FGFR4: variants seen among roughly 807,000 people sequenced by gnomAD.
The protein encoded by FGFR4 is fibroblast growth factor receptor 4.
Under a neutral mutation model 89.9 loss-of-function variants are expected in FGFR4, and 63 were observed. The ratio of observed to expected loss-of-function variants is 0.70; its 90% CI spans 0.57 to 0.86. FGFR4 has a LOEUF of 0.86. Among genes scored for constraint, FGFR4 ranks in the 40% least tolerant of loss-of-function variants. The pLI is 0.00. For missense variants in FGFR4, 928 were observed against 1,106.7 expected (o/e 0.84, Z 2.29); for synonymous variants, 486 against 479.4 (o/e 1.01, Z -0.18).
Position 177,092,718 on chromosome 5 carries a change from TA to T in FGFR4, c.992del (p.Tyr331SerfsTer120). The T allele has an allele frequency of 6.2e-7, 1 of 1,614,198 alleles. No individual in the cohort carries two copies. Among genetic ancestry groups the T allele is most frequent in the South Asian group, 1.1e-5 (1 of 91,080 alleles). On this transcript the variant is annotated frameshift_variant, in exon 8 of 18. Coordinates refer to ENST00000292408, the MANE Select transcript of FGFR4 (RefSeq NM_213647.3). LOFTEE classifies it high-confidence loss of function. Reference sequence around the variant, plus strand: ...CGTGTCAGCCGAGGACGCAGGCGAGTACACCTGCCTCGCAGGCAATTCCATC... The same window carrying T: ...CGTGTCAGCCGAGGACGCAGGCGAGTCACCTGCCTCGCAGGCAATTCCATC... Reference protein sequence around the residue: ...RNVSAEDAGEYTCLAGNSIGL... With the variant: ...RNVSAEDAGEXTCLAGNSIGL...
Position 177,095,874 on chromosome 5 carries a change from T to G in FGFR4, c.1821+151T>G. 3.2e-6 allele frequency: 4 copies of G among 1,253,800 alleles called. No individual in the cohort carries two copies. Among genetic ancestry groups the G allele is most frequent in the Non-Finnish European group, 3.2e-6 (3 of 925,672 alleles). 77.7% of individuals were successfully genotyped at this position (1,253,800 alleles called of 1,614,324 possible). On this transcript the variant is annotated intron_variant, in intron 13 of 17. Coordinates refer to ENST00000292408, the MANE Select transcript of FGFR4 (RefSeq NM_213647.3). The surrounding 1 kb of genome is among the most constrained non-coding windows in gnomAD (Gnocchi z 5.7). The stretch of plus-strand genomic sequence containing the variant: ...ATTCACGCTTTCCTGCATTCCCCAC[T>G]CGTTCCTCACCCTTCCCCAGAGGGG...
Position 177,090,379 on chromosome 5 carries a change from T to C in FGFR4, c.92-11T>C. On this transcript the variant is annotated splice_polypyrimidine_tract_variant and intron_variant, in intron 2 of 17. Coordinates refer to ENST00000292408, the MANE Select transcript of FGFR4 (RefSeq NM_213647.3). ...CTGCGGGGTCTGCTGACCTCTGCCC[T>C]CTGCCCACAGAGCCCTGCCTGGCTC... is the stretch of plus-strand genomic sequence containing the variant. 1 of 1,600,406 alleles carries C rather than the reference T, an allele frequency of 6.2e-7. No homozygotes were observed. The highest frequency in any genetic ancestry group is 1.1e-5 in the South Asian group (1 of 91,076).
Position 177,089,632 on chromosome 5 carries a change from C to A in FGFR4, c.30C>A (p.Val10=). The stretch of plus-strand genomic sequence containing the variant: ...GGCTGCTGCTGGCCCTGTTGGGGGT[C>A]CTGCTGAGTGTGCCTGGGCCTCCAG... MRLLLALLG[V]LLSVPGPPVL... Residue 10 remains valine (V), a synonymous_variant, in exon 2 of 18, where the codon GTC becomes GTA. Transcript: ENST00000292408. The A allele has an allele frequency of 6.2e-7, 1 of 1,613,914 alleles. No homozygotes were observed. Among genetic ancestry groups the A allele is most frequent in the Non-Finnish European group, 8.5e-7 (1 of 1,179,960 alleles).
rs761864523 is a variant in FGFR4, at chr5:177,092,407, A to G, written c.814A>G (p.Lys272Glu). ...VVGSDVELLC[K>E]VYSDAQPHIQ... ...GGGCAGCGACGTGGAGCTGCTGTGC[A>G]AGGTGTACAGCGATGCCCAGCCCCA... The change falls in exon 7 of 18, where the codon AAG (lysine) becomes GAG (glutamate). Residue 272 changes from lysine to glutamate, a missense_variant. Coordinates refer to ENST00000292408, the MANE Select transcript of FGFR4 (RefSeq NM_213647.3). 2.5e-6 allele frequency: 4 copies of G among 1,609,326 alleles called. No individual in the cohort carries two copies. In the African/African-American group the frequency reaches 4.0e-5, roughly 16 times the overall value.
intron 15 of FGFR4, 81 bp from the exon 16 acceptor site, chr5:177,096,523 G>T: frequency 6.4e-7 from 1 of 1,569,480 alleles, no homozygotes; most frequent in Admixed American, 1.8e-5. Flanking sequence ...GCTGTGGTGG[G>T]TCATGTCTGT....
At position 177,097,919 on chromosome 5, in the gene FGFR4, G is replaced by A. The variant is rs1581064388; in HGVS notation, c.*243G>A. The A allele has an allele frequency of 6.6e-6, 3 of 456,680 alleles. No individual in the cohort carries two copies. The highest frequency in any genetic ancestry group is 1.2e-5 in the Non-Finnish European group (3 of 259,182). 28.3% of individuals were successfully genotyped at this position (456,680 alleles called of 1,614,324 possible). A position where few individuals can be genotyped will look rare whatever the true frequency, so the allele number is the denominator to read the frequency against. ...TAGTCCCCATCCCGGGTTTGGCTGAGCCTGGCTGGAGAGCTGCTATGCTAA... is the reference window on the plus strand; with the variant it reads ...TAGTCCCCATCCCGGGTTTGGCTGAACCTGGCTGGAGAGCTGCTATGCTAA... On this transcript the variant is annotated 3_prime_UTR_variant, in exon 18 of 18. Coordinates refer to ENST00000292408, the MANE Select transcript of FGFR4 (RefSeq NM_213647.3).
rs1784347123 is a variant in FGFR4, at chr5:177,090,978, G to A, written c.477G>A (p.Leu159=). Residue 159 remains leucine (L), a synonymous_variant, in exon 5 of 18, where the codon CTG becomes CTA. Coordinates refer to ENST00000292408, the MANE Select transcript of FGFR4 (RefSeq NM_213647.3). ...WTHPQRMEKK[L]HAVPAGNTVK... ...ACCCCCAGCGCATGGAGAAGAAACTGCATGCAGTACCTGCGGGGAACACCG... is the reference window on the plus strand; with the variant it reads ...ACCCCCAGCGCATGGAGAAGAAACTACATGCAGTACCTGCGGGGAACACCG... 8.7e-6 allele frequency: 14 copies of A among 1,614,102 alleles called. No homozygotes were observed. Among genetic ancestry groups the A allele is most frequent in the Non-Finnish European group, 1.2e-5 (14 of 1,179,950 alleles).
Position 177,097,296 on chromosome 5 carries a change from G to A in FGFR4, c.2158G>A (p.Gly720Arg), listed in dbSNP as rs371591154. Residue 720 changes from glycine to arginine, a missense_variant, in exon 17 of 18, where the codon GGG becomes AGG. Physicochemically the swap from Gly to Arg is moderately radical, Grantham distance 125. Coordinates refer to ENST00000292408, the MANE Select transcript of FGFR4 (RefSeq NM_213647.3). The stretch of plus-strand genomic sequence containing the variant: ...CCTCCGCCCCACCTCTCGCAGGTAC[G>A]GGCTGATGCGTGAGTGCTGGCACGC... ...RPPHCPPELY[G>R]LMRECWHAAP... 5.4e-5 allele frequency: 87 copies of A among 1,602,554 alleles called. No homozygotes were observed. The South Asian group carries it at 6.5e-4, about 12-fold the overall frequency.
chr5:177,096,577 C>T lies in FGFR4; in HGVS notation c.2016-27C>T, dbSNP rs372643301. ...CCCGGTCGTCGGGAGGGCGCTGAGCCACACTGAGCCCTGGCCCTACCTCCA... is the reference window on the plus strand; with the variant it reads ...CCCGGTCGTCGGGAGGGCGCTGAGCTACACTGAGCCCTGGCCCTACCTCCA... On this transcript the variant is annotated intron_variant, in intron 15 of 17. Transcript: ENST00000292408. 14 of 1,612,412 alleles carry T rather than the reference C, an allele frequency of 8.7e-6. No individual in the cohort carries two copies. In the African/African-American group the frequency reaches 1.6e-4, roughly 18 times the overall value.
At chr5:177,088,802 T>A (rs1784246147) in intron 1 of FGFR4, among the ~76,000 whole-genome samples, 1 of 100,064 alleles carries the variant, frequency 1.0e-5, no homozygotes, top group Non-Finnish European at 2.0e-5. Flanking sequence ...GAGGAGAACA[T>A]TCCAACACTC....
rs1299232402 is a variant in FGFR4, at chr5:177,093,267, A to C, written c.1187A>C (p.His396Pro). The C allele has an allele frequency of 3.1e-6, 5 of 1,612,694 alleles. No homozygotes were observed. In the Admixed American group the frequency reaches 8.3e-5, roughly 27 times the overall value. The change falls in exon 9 of 18, where the codon CAC becomes CCC. Residue 396 changes from histidine to proline, a missense_variant. By Grantham distance (77) the His-to-Pro change is moderately conservative (BLOSUM62 -2). Transcript: ENST00000292408. This position sits in a 1 kb window ranked among gnomAD's most constrained non-coding sequence, Gnocchi z 5.8. ...LAGLYRGQAL[H>P]GRHPRPPATV... is the part of the protein sequence containing the mutation. ...GGGCTGTATCGAGGGCAGGCGCTCCACGGCCGGCACCCCCGCCCGCCCGCC... is the reference window on the plus strand; with the variant it reads ...GGGCTGTATCGAGGGCAGGCGCTCCCCGGCCGGCACCCCCGCCCGCCCGCC...
chr5:177,096,387 C>G lies in FGFR4; in HGVS notation c.2015+30C>G, dbSNP rs752044596. The G allele has an allele frequency of 9.9e-6, 16 of 1,612,652 alleles. No homozygotes were observed. In the South Asian group the frequency reaches 1.8e-4, roughly 18 times the overall value. ...GTCCTGCCGGCGGTCACTGTCCTAC[C>G]CCACAAAAAGGGCAAGGCACTGCCC... On this transcript the variant is annotated intron_variant, in intron 15 of 17. Transcript: ENST00000292408.
chr5:177,090,112 GTC>G (rs1562065729), intron 2 of FGFR4: 1 of 663,554 alleles, frequency 1.5e-6, no homozygotes, highest in Non-Finnish European at 2.7e-6. Flanking sequence ...GTGTGTGTGT[GTC>G]CGTATGTGTG....
Position 177,095,401 on chromosome 5 carries a change from A to C in FGFR4, c.1591A>C (p.Lys531Gln). 2 of 1,614,130 alleles carry C rather than the reference A, an allele frequency of 1.2e-6. No individual in the cohort carries two copies. Among genetic ancestry groups the C allele is most frequent in the Non-Finnish European group, 1.7e-6 (2 of 1,180,014 alleles). The change falls in exon 12 of 18, where the codon AAG (lysine) becomes CAG (glutamine). Residue 531 changes from lysine to glutamine, a missense_variant. By Grantham distance (53) the Lys-to-Gln change is moderately conservative. Around this residue, in one of 5 missense-constraint regions of FGFR4, gnomAD observed 741 missense variants for 836.9 expected, o/e 0.89. Coordinates refer to ENST00000292408, the MANE Select transcript of FGFR4 (RefSeq NM_213647.3). This position sits in a 1 kb window ranked among gnomAD's most constrained non-coding sequence, Gnocchi z 5.7. ...MEVMKLIGRH[K>Q]NIINLLGVCT... The stretch of plus-strand genomic sequence containing the variant: ...GGTGATGAAGCTGATCGGCCGACAC[A>C]AGAACATCATCAACCTGCTTGGTGT...
chr5:177,093,432 C>G lies in FGFR4; in HGVS notation c.1278C>G (p.Gly426=). The change falls in exon 10 of 18, where the codon GGC becomes GGG. Residue 426 remains glycine (G), a synonymous_variant. Coordinates refer to ENST00000292408, the MANE Select transcript of FGFR4 (RefSeq NM_213647.3). The surrounding 1 kb of genome is among the most constrained non-coding windows in gnomAD (Gnocchi z 5.8). ...TCTCCCTGGAGTCAGGCTCTTCCGG[C>G]AAGTCAAGCTCATCCCTGGTACGAG... ...RQFSLESGSS[G]KSSSSLVRGV... is the part of the protein sequence containing the mutation. 6.2e-7 allele frequency: 1 copy of G among 1,614,106 alleles called. No individual in the cohort carries two copies.
chr5:177,093,588 CG>C lies in FGFR4; in HGVS notation c.1397+40del. On this transcript the variant is annotated intron_variant, in intron 10 of 17. Coordinates refer to ENST00000292408, the MANE Select transcript of FGFR4 (RefSeq NM_213647.3). The surrounding 1 kb of genome is among the most constrained non-coding windows in gnomAD (Gnocchi z 5.8). ...TGTGTGGGGGCAGGGACGCGGGCGC[CG>C]GGTTGCAGCCCGCCCTCCGCAGGAG... The C allele has an allele frequency of 6.2e-7, 1 of 1,612,240 alleles. No individual in the cohort carries two copies. Among genetic ancestry groups the C allele is most frequent in the Non-Finnish European group, 8.5e-7 (1 of 1,178,624 alleles).
chr5:177,096,424 G>C, intron 15 of FGFR4, 67 bp downstream of exon 15: 7 of 1,591,990 alleles, frequency 4.4e-6, no homozygotes, highest in Non-Finnish European at 6.0e-6. Context: ...AAGTCACGTG[G>C]CCCCAGGAGT....
At position 177,095,506 on chromosome 5, in the gene FGFR4, T is replaced by A. The variant is rs754307955; in HGVS notation, c.1631-27T>A. The stretch of plus-strand genomic sequence containing the variant: ...GCAGAGCCAAAGCTTTGGCAGCCTC[T>A]CCACGCTCCCTCCACTCCCTCTGCA... On this transcript the variant is annotated intron_variant, in intron 12 of 17. Transcript: ENST00000292408. The surrounding 1 kb of genome is among the most constrained non-coding windows in gnomAD (Gnocchi z 5.7). 6.2e-7 allele frequency: 1 copy of A among 1,612,550 alleles called. No individual in the cohort carries two copies. The highest frequency in any genetic ancestry group is 2.2e-5 in the East Asian group (1 of 44,814).
chr5:177,095,921 A>C lies in FGFR4; in HGVS notation c.1822-136A>C. The C allele has an allele frequency of 7.4e-7, 1 of 1,343,866 alleles. No individual in the cohort carries two copies. The highest frequency in any genetic ancestry group is 9.9e-7 in the Non-Finnish European group (1 of 1,005,356). The allele number at this position is 1,343,866 out of a possible 1,614,324, so 83.2% of individuals were successfully genotyped here. Reference sequence around the variant, plus strand: ...GGGGAGAGGGGACGCAGGAGAAGGCACTCCCCGTTTCTAAACCTTGACCTC... The same window carrying C: ...GGGGAGAGGGGACGCAGGAGAAGGCCCTCCCCGTTTCTAAACCTTGACCTC... On this transcript the variant is annotated intron_variant, in intron 13 of 17. Transcript: ENST00000292408. The surrounding 1 kb of genome is among the most constrained non-coding windows in gnomAD (Gnocchi z 5.7).
Sources: allele counts gnomAD v4.1 joint callset (sites outside exome capture counted in the v4.1 genomes callset), GRCh38; gene constraint gnomAD v4.1.1; regional missense constraint gnomAD v4.1.1; non-coding constraint Gnocchi (gnomAD v3.1); transcripts MANE v1.5; gene names NCBI Gene and HGNC (gene_info 2026-07-23, HGNC 2026-07-21).